PRPSAP2: variants seen among roughly 807,000 people sequenced by gnomAD.
PRPSAP2 encodes phosphoribosyl pyrophosphate synthetase associated protein 2.
PRPSAP2 carries 24 observed loss-of-function variants against 40.6 expected under a neutral mutation model. The observed-to-expected ratio is 0.59, with a 90% confidence interval of 0.43 to 0.83. The LOEUF (loss-of-function observed/expected upper bound fraction) is 0.83. Ranked by LOEUF, PRPSAP2 falls within the 40% of genes least tolerant of loss-of-function variation. PRPSAP2 has a pLI of 0.00. For missense variants in PRPSAP2, 292 were observed against 465.6 expected (o/e 0.63, Z 3.43); for synonymous variants, 149 against 164.7 (o/e 0.90, Z 0.73).
At chr17:18,892,727 G>GTGTGTGTTTATTTATT (rs60288281) in intron 8 of PRPSAP2, among the ~76,000 whole-genome samples, 2 of 126,622 alleles carry the variant, frequency 1.6e-5, no homozygotes, top group African/African-American at 3.0e-5. Context: ...GTGTGTGTGT[G>GTGTGTGTTTATTTATT]TATTTATTTA....
At chr17:18,922,521 T>C (rs2041740465) in intron 9 of PRPSAP2, among the ~76,000 whole-genome samples, 1 of 152,156 alleles carries the variant, frequency 6.6e-6, no homozygotes, top group Non-Finnish European at 1.5e-5. Context: ...AACATTTCCC[T>C]AATGGCTAAT....
At chr17:18,872,891 G>A (rs1373978440) in intron 5 of PRPSAP2, among the ~76,000 whole-genome samples, 1 of 151,470 alleles carries the variant, frequency 6.6e-6, no homozygotes, top group Non-Finnish European at 1.5e-5. Context: ...CACCCAGGCT[G>A]GAGTGCAGTG....
At chr17:18,909,431 A>G (rs992680478) in intron 8 of PRPSAP2, among the ~76,000 whole-genome samples, 4 of 151,582 alleles carry the variant, frequency 2.6e-5, no homozygotes, top group Non-Finnish European at 5.9e-5. Flanking sequence ...TTTTTAGTAG[A>G]GACGGGGTTT....
intron 1 of PRPSAP2, among the ~76,000 whole-genome samples, chr17:18,863,572 G>A (rs1028796758): frequency 6.6e-6 from 1 of 150,934 alleles, no homozygotes; most frequent in African/African-American, 2.4e-5. Flanking sequence ...TCGCTCTGTC[G>A]CCCAGGCTGG....
At chr17:18,917,222 G>A (rs1156644457) in intron 9 of PRPSAP2, among the ~76,000 whole-genome samples, 1 of 151,910 alleles carries the variant, frequency 6.6e-6, no homozygotes, top group East Asian at 1.9e-4. Context: ...ACTGGCAAAA[G>A]ACAGATGAGG....
intron 10 of PRPSAP2, 71 bp downstream of exon 10, chr17:18,924,055 A>G (rs554964278): frequency 7.3e-7 from 1 of 1,366,912 alleles, no homozygotes; most frequent in Non-Finnish European, 1.0e-6. Flanking sequence ...TGATTGATTG[A>G]TTTTATTACA....
At position 18,870,496 on chromosome 17, in the gene PRPSAP2, C is replaced by A. The variant is rs565689034; in HGVS notation, c.173-2087C>A. Reference sequence around the variant, plus strand: ...TACTTTCACCTAAATAAATATGATACCATTATCACATTTAAAGAAATTAAC... The same window carrying A: ...TACTTTCACCTAAATAAATATGATAACATTATCACATTTAAAGAAATTAAC... On this transcript the variant is annotated intron_variant, in intron 4 of 11. Transcript: ENST00000268835. 3.3e-5 allele frequency among the ~76,000 whole-genome samples: 5 copies of A among 151,994 alleles called. No homozygotes were observed. The East Asian group carries it at 9.7e-4, about 29-fold the overall frequency.
At chr17:18,912,543 A>G (rs2041030628) in intron 9 of PRPSAP2, among the ~76,000 whole-genome samples, 1 of 152,168 alleles carries the variant, frequency 6.6e-6, no homozygotes, top group African/African-American at 2.4e-5. Context: ...TCTTAACTTA[A>G]TTTCAGCATC....
Position 18,930,707 on chromosome 17 carries a change from T to A in PRPSAP2, c.*9T>A. The A allele has an allele frequency of 6.2e-7, 1 of 1,603,968 alleles. No individual in the cohort carries two copies. The highest frequency in any genetic ancestry group is 8.5e-7 in the Non-Finnish European group (1 of 1,174,140). ...TAGGCTTAGATGACTGAGTTTTCCT[T>A]TAGGAAAACTCCCGAGGGCCAAACT... On this transcript the variant is annotated 3_prime_UTR_variant, in exon 12 of 12. Coordinates refer to ENST00000268835, the MANE Select transcript of PRPSAP2 (RefSeq NM_002767.4).
At chr17:18,882,751 T>C in intron 7 of PRPSAP2, 68 bp downstream of exon 7, 1 of 1,032,650 alleles carries the variant, frequency 9.7e-7, no homozygotes, top group Non-Finnish European at 1.5e-6. Context: ...TCCATTTCCT[T>C]AGGATACCCC....
At chr17:18,923,256 A>ATTTTTTT (rs34975526) in intron 9 of PRPSAP2, among the ~76,000 whole-genome samples, 17 of 105,392 alleles carry the variant, frequency 1.6e-4, no homozygotes, top group South Asian at 3.1e-4. Context: ...CACTTGGCTA[A>ATTTTTTT]TTTTTTTTTT....
intron 9 of PRPSAP2, among the ~76,000 whole-genome samples, chr17:18,918,154 C>T (rs1370542943): frequency 1.3e-5 from 2 of 152,054 alleles, no homozygotes; most frequent in African/African-American, 4.8e-5. Flanking sequence ...TTTGTAGATC[C>T]CAACTGAGGT....
At chr17:18,918,666 C>G (rs78262478) in intron 9 of PRPSAP2, among the ~76,000 whole-genome samples, 41 of 152,114 alleles carry the variant, frequency 2.7e-4, no homozygotes, top group Admixed American at 2.6e-4. Context: ...AGGCCAGATC[C>G]GGGAGGCTGA....
intron 4 of PRPSAP2, among the ~76,000 whole-genome samples, chr17:18,869,847 T>C (rs1305238131): frequency 6.7e-6 from 1 of 149,752 alleles, no homozygotes; most frequent in African/African-American, 2.5e-5. Context: ...TTTTTTTGTG[T>C]GTGTGTGTGT....
intron 4 of PRPSAP2, among the ~76,000 whole-genome samples, chr17:18,868,809 A>C (rs1419894940): frequency 6.6e-6 from 1 of 150,424 alleles, no homozygotes; most frequent in African/African-American, 2.5e-5. Context: ...CTCCTATTTC[A>C]GCCCCCCAAA....
Position 18,864,325 on chromosome 17 carries a change from G to A in PRPSAP2, c.-128-1144G>A, listed in dbSNP as rs375680975. Among the ~76,000 whole-genome samples the A allele has an allele frequency of 7.9e-4, 118 of 149,210 alleles. 1 individual carries two copies. Among genetic ancestry groups the A allele is most frequent in the African/African-American group, 2.7e-3 (110 of 40,480 alleles). ...TTTTTTTTTTCTGAGACGGAGTCTCGCTCTGTTGCCCAGGCTGGAGTACAG... is the reference window on the plus strand; with the variant it reads ...TTTTTTTTTTCTGAGACGGAGTCTCACTCTGTTGCCCAGGCTGGAGTACAG... On this transcript the variant is annotated intron_variant, in intron 1 of 11. Coordinates refer to ENST00000268835, the MANE Select transcript of PRPSAP2 (RefSeq NM_002767.4).
chr17:18,927,915 A>C (rs2042054840), intron 10 of PRPSAP2, among the ~76,000 whole-genome samples: 1 of 152,032 alleles, frequency 6.6e-6, no homozygotes. Flanking sequence ...AGTAGCTAGG[A>C]CTACAGGTGC....
intron 8 of PRPSAP2, among the ~76,000 whole-genome samples, chr17:18,901,432 T>A (rs2040262020): frequency 6.6e-6 from 1 of 152,066 alleles, no homozygotes; most frequent in African/African-American, 2.4e-5. Flanking sequence ...CAGGCTGGAG[T>A]GCAGTGGCAC....
At chr17:18,914,144 G>A (rs980798899) in intron 9 of PRPSAP2, among the ~76,000 whole-genome samples, 2 of 148,602 alleles carry the variant, frequency 1.3e-5, no homozygotes, top group African/African-American at 2.5e-5. Flanking sequence ...CTGTGCCACC[G>A]TACTCCAGCA....
Sources: gnomAD v4.1 joint callset for allele counts (sites outside exome capture counted in the v4.1 genomes callset) on GRCh38, gnomAD v4.1.1 for gene constraint, MANE v1.5 for transcripts, NCBI Gene and HGNC (gene_info 2026-07-23, HGNC 2026-07-21) for gene names.